MAP3K12: variants seen among roughly 807,000 people sequenced by gnomAD.
MAP3K12 encodes the protein mitogen-activated protein kinase kinase kinase 12.
In MAP3K12, 14 loss-of-function variants were observed where a neutral mutation model predicts 87.5. The observed-to-expected ratio is 0.16, with a 90% confidence interval of 0.11 to 0.25. The LOEUF (loss-of-function observed/expected upper bound fraction) is 0.25. Ranked by LOEUF, MAP3K12 falls within the 10% of genes least tolerant of loss-of-function variation. MAP3K12 has a pLI of 1.00. For synonymous variants in MAP3K12, 469 were observed against 452.5 expected, an observed-to-expected ratio of 1.04 and a Z score of -0.46; for missense variants, 802 against 1,140.4, an observed-to-expected ratio of 0.70 and a Z score of 4.27.
At position 53,486,671 on chromosome 12, in the gene MAP3K12, A is replaced by AAGG. The variant is rs778919931; in HGVS notation, c.446-52_446-50dup. 2.3e-4 allele frequency: 344 copies of AAGG among 1,518,512 alleles called. 5 individuals carry two copies. The South Asian group carries it at 4.1e-3, about 18-fold the overall frequency. The allele number at this position is 1,518,512 out of a possible 1,614,324, so 94.1% of individuals were successfully genotyped here. A position where few individuals can be genotyped will look rare whatever the true frequency, so the allele number is the denominator to read the frequency against. ...ACAAGCCTCAGAAAGAGCCACACTC[A>AAGG]AGGCCAGGGACAGGATAGCATTGGG... On this transcript the variant is annotated intron_variant, in intron 2 of 13. Transcript: ENST00000547488. The surrounding 1 kb of genome is among the most constrained non-coding windows in gnomAD (Gnocchi z 4.9).
In MAP3K12 at chr12:53,481,294, T is replaced by C. The variant is rs1381599100; in HGVS notation, c.2581-14A>G. The C allele has an allele frequency of 4.7e-6, 7 of 1,484,116 alleles. No individual in the cohort carries two copies. The highest frequency in any genetic ancestry group is 2.6e-5 in the South Asian group (2 of 76,816). The allele number at this position is 1,484,116 out of a possible 1,614,324, so 91.9% of individuals were successfully genotyped here. ...ATTGGGAGGGCCCTGTGAGAAAGAG[T>C]AGAAATGGAGTGAGATTCCTTGGGG... On this transcript the variant is annotated splice_polypyrimidine_tract_variant and intron_variant, in intron 13 of 13. Transcript: ENST00000547488.
Position 53,482,003 on chromosome 12 carries a change from C to G in MAP3K12, c.2518G>C (p.Val840Leu). 2 of 1,614,180 alleles carry G rather than the reference C, an allele frequency of 1.2e-6. No individual in the cohort carries two copies. Among genetic ancestry groups the G allele is most frequent in the Non-Finnish European group, 1.7e-6 (2 of 1,180,034 alleles). The change falls in exon 13 of 14, where the codon GTC becomes CTC. Residue 840 changes from valine (V) to leucine (L), a missense_variant. By Grantham distance (32) the Val-to-Leu change is conservative (BLOSUM62 1). Coordinates refer to ENST00000547488, the MANE Select transcript of MAP3K12 (RefSeq NM_001193511.2). Reference protein sequence around the residue: ...EIPLDPPPSEVIPGPEPSSLP... With the variant: ...EIPLDPPPSELIPGPEPSSLP... ...GAGCTGGGTTCAGGGCCAGGGATGA[C>G]CTCTGAAGGAGGTGGGTCCAGTGGG...
At chr12:53,496,962 T>C (rs1224446758) in intron 1 of MAP3K12, among the ~76,000 whole-genome samples, 1 of 152,176 alleles carries the variant, frequency 6.6e-6, no homozygotes, top group Admixed American at 6.5e-5. Context: ...CTCAGTTTCT[T>C]CATTGCTAAA....
chr12:53,484,906 T>C (rs1312387498), intron 6 of MAP3K12, 150 bp downstream of exon 6: 5 of 964,730 alleles, frequency 5.2e-6, no homozygotes, highest in Non-Finnish European at 7.7e-6. Context: ...CCCTGGTGAC[T>C]CAGCTCAGAA....
chr12:53,481,903 C>A (rs1484010858), intron 13 of MAP3K12, 38 bp downstream of exon 13: 1 of 1,596,212 alleles, frequency 6.3e-7, no homozygotes, highest in Non-Finnish European at 8.6e-7. Context: ...TACAGCTCTC[C>A]CTGTTCAATA....
upstream of MAP3K12, chr12:53,501,294 C>T: frequency 2.6e-6 from 3 of 1,171,042 alleles, no homozygotes; most frequent in African/African-American, 1.5e-5. Context: ...GCGTGCCCCG[C>T]GGCGGGCCCT....
intron 1 of MAP3K12, among the ~76,000 whole-genome samples, chr12:53,488,468 T>C (rs1462840435): frequency 1.3e-5 from 2 of 151,940 alleles, no homozygotes; most frequent in Admixed American, 1.3e-4. Flanking sequence ...TCGAGACCAG[T>C]CTGGTCAACA....
At position 53,486,038 on chromosome 12, in the gene MAP3K12, C is replaced by T. The variant is rs776257902; in HGVS notation, c.821+18G>A. Reference sequence around the variant, plus strand: ...GTCACCTGCATGCACATCTGTTGCTCCCTGCTTGCTTACTCACTTGGGTGA... The same window carrying T: ...GTCACCTGCATGCACATCTGTTGCTTCCTGCTTGCTTACTCACTTGGGTGA... On this transcript the variant is annotated intron_variant, in intron 4 of 13. Coordinates refer to ENST00000547488, the MANE Select transcript of MAP3K12 (RefSeq NM_001193511.2). This position sits in a 1 kb window ranked among gnomAD's most constrained non-coding sequence, Gnocchi z 4.9. The T allele has an allele frequency of 6.3e-7, 1 of 1,586,036 alleles. No homozygotes were observed. The highest frequency in any genetic ancestry group is 1.2e-5 in the South Asian group (1 of 86,040).
intron 1 of MAP3K12, among the ~76,000 whole-genome samples, chr12:53,494,946 G>A (rs916481084): frequency 1.3e-5 from 2 of 151,920 alleles, no homozygotes; most frequent in Non-Finnish European, 2.9e-5. Flanking sequence ...GGATGATCAC[G>A]GCTCACTGCC....
rs773506496 is a variant in MAP3K12, at chr12:53,486,022, A to G, written c.821+34T>C. ...ACACTGACTTGAGTGGGTCACCTGC[A>G]TGCACATCTGTTGCTCCCTGCTTGC... On this transcript the variant is annotated intron_variant, in intron 4 of 13. Transcript: ENST00000547488. The surrounding 1 kb of genome is among the most constrained non-coding windows in gnomAD (Gnocchi z 4.9). 1.3e-6 allele frequency: 2 copies of G among 1,570,462 alleles called. No homozygotes were observed. The highest frequency in any genetic ancestry group is 1.2e-5 in the South Asian group (1 of 83,446).
intron 1 of MAP3K12, among the ~76,000 whole-genome samples, chr12:53,490,954 G>A (rs967237682): frequency 6.6e-6 from 1 of 151,752 alleles, no homozygotes; most frequent in Admixed American, 6.6e-5. Flanking sequence ...TGGCCACGTC[G>A]GGTTTTTGAA....
intron 1 of MAP3K12, among the ~76,000 whole-genome samples, chr12:53,490,465 G>T (rs1943367619): frequency 6.6e-6 from 1 of 152,046 alleles, no homozygotes; most frequent in South Asian, 2.1e-4. Flanking sequence ...AAATTAGCCG[G>T]CCAGGCACAG....
At chr12:53,483,845 T>C in intron 8 of MAP3K12, 66 bp downstream of exon 8, 1 of 1,610,482 alleles carries the variant, frequency 6.2e-7, no homozygotes, top group South Asian at 1.1e-5. Context: ...TGGGGCTGGG[T>C]AGGAGCTGAC....
intron 7 of MAP3K12, 34 bp downstream of exon 7, chr12:53,484,223 G>A (rs774942757): frequency 2.6e-6 from 4 of 1,564,532 alleles, no homozygotes; most frequent in Non-Finnish European, 2.6e-6. Flanking sequence ...CAAAGAAGGG[G>A]AGTTAGGTAT....
intron 1 of MAP3K12, among the ~76,000 whole-genome samples, chr12:53,491,919 CA>C (rs201934379): frequency 0.026 from 3,855 of 151,162 alleles, 207 homozygotes; most frequent in East Asian, 0.14. Flanking sequence ...GCTACAAATA[CA>C]AAAAATTAGC....
At chr12:53,495,862 G>A (rs2137237182) in intron 1 of MAP3K12, among the ~76,000 whole-genome samples, 1 of 152,306 alleles carries the variant, frequency 6.6e-6, no homozygotes, top group South Asian at 2.1e-4. Flanking sequence ...GGTAAATCAA[G>A]CCCTGAGACC....
chr12:53,483,293 T>C, intron 10 of MAP3K12, 56 bp downstream of exon 10: 5 of 1,594,560 alleles, frequency 3.1e-6, no homozygotes, highest in Non-Finnish European at 2.6e-6. Flanking sequence ...CTAATATACC[T>C]GTTGCCACTT....
chr12:53,485,262 A>G (rs746412595), intron 5 of MAP3K12, 48 bp from the exon 6 acceptor site: 3 of 1,601,354 alleles, frequency 1.9e-6, no homozygotes, highest in Non-Finnish European at 2.6e-6. Context: ...GAAGTTGCCC[A>G]CAATCCCCCC....
chr12:53,495,339 CAAAAAAAAA>C (rs10647631), intron 1 of MAP3K12, among the ~76,000 whole-genome samples: 1 of 19,378 alleles, frequency 5.2e-5, no homozygotes, highest in South Asian at 5.2e-3. Context: ...ACTCTGTCTC[CAAAAAAAAA>C]AAAAAAAAAA....
Sources: gnomAD v4.1 joint callset for allele counts (sites outside exome capture counted in the v4.1 genomes callset) on GRCh38, gnomAD v4.1.1 for gene constraint, Gnocchi (gnomAD v3.1) non-coding constraint, MANE v1.5 for transcripts, NCBI Gene and HGNC (gene_info 2026-07-23, HGNC 2026-07-21) for gene names.